Variants in SYCP2L observed in about 807,000 individuals in gnomAD.
SYCP2L encodes synaptonemal complex protein 2-like.
In SYCP2L, 98 loss-of-function variants were observed where a neutral mutation model predicts 125.8. That is an observed-to-expected ratio of 0.78 (90% CI 0.66 to 0.92). The LOEUF is 0.92. Ranked by LOEUF, SYCP2L falls within the 40% of genes least tolerant of loss-of-function variation. The pLI, the probability that SYCP2L is intolerant of heterozygous loss-of-function variation, is 0.00. For missense variants in SYCP2L, 842 were observed against 936.4 expected (o/e 0.90, Z 1.32); for synonymous variants, 317 against 325.4 (o/e 0.97, Z 0.28).
intron 1 of SYCP2L, among the ~76,000 whole-genome samples, chr6:10,889,291 T>G (rs1171191153): frequency 1.3e-5 from 2 of 152,236 alleles, no homozygotes; most frequent in African/African-American, 4.8e-5. Context: ...ATATATTAAT[T>G]GACACATAGT....
intron 24 of SYCP2L, 78 bp from the exon 25 acceptor site, chr6:10,956,058 C>G (rs778692478): frequency 3.6e-5 from 43 of 1,197,630 alleles, no homozygotes; most frequent in African/African-American, 6.1e-5. Context: ...AACTCATCCT[C>G]TGGGCAACTG....
chr6:10,942,047 C>A (rs1174524079), intron 21 of SYCP2L, among the ~76,000 whole-genome samples: 2 of 143,722 alleles, frequency 1.4e-5, no homozygotes, highest in Non-Finnish European at 3.0e-5. Flanking sequence ...AGCAAACTCG[C>A]AAGGATGAAA....
In SYCP2L at chr6:10,912,298, G is replaced by A. The variant is rs1352408664; in HGVS notation, c.919-375G>A. Reference sequence around the variant, plus strand: ...ATAGATGGCAAATCACTCATGTTTGGTTACAGTATCTCCTTCTCCAGAAGT... The same window carrying A: ...ATAGATGGCAAATCACTCATGTTTGATTACAGTATCTCCTTCTCCAGAAGT... On this transcript the variant is annotated intron_variant, in intron 12 of 29. Coordinates refer to ENST00000283141, the MANE Select transcript of SYCP2L (RefSeq NM_001040274.3). The surrounding 1 kb of genome is among the most constrained non-coding windows in gnomAD (Gnocchi z 4.1). Among the ~76,000 whole-genome samples, 1 of 152,108 alleles carries A rather than the reference G, an allele frequency of 6.6e-6. No homozygotes were observed. Among genetic ancestry groups the A allele is most frequent in the East Asian group, 1.9e-4 (1 of 5,194 alleles).
intron 17 of SYCP2L, 114 bp downstream of exon 17, chr6:10,927,481 A>G: frequency 2.6e-6 from 2 of 769,882 alleles, no homozygotes; most frequent in South Asian, 1.8e-5. Flanking sequence ...ACATGTCGGT[A>G]GGTTCCGTGA....
chr6:10,909,159 G>A (rs554529406), intron 10 of SYCP2L, among the ~76,000 whole-genome samples: 1 of 92,994 alleles, frequency 1.1e-5, no homozygotes, highest in African/African-American at 4.8e-5. Context: ...AGTTTCTTTC[G>A]GTCTTGTTGG....
In SYCP2L at chr6:10,954,560, T is replaced by G. The variant is rs1209166264; in HGVS notation, c.1955-556T>G. On this transcript the variant is annotated intron_variant, in intron 23 of 29. Transcript: ENST00000283141. The surrounding 1 kb of genome is among the most constrained non-coding windows in gnomAD (Gnocchi z 4.8). ...GGACCAGACATGTCTGGGATAAAAG[T>G]GAACATCAGAATAGAAAATATTTAG... is the stretch of plus-strand genomic sequence containing the variant. Among the ~76,000 whole-genome samples the G allele has an allele frequency of 6.6e-6, 1 of 152,138 alleles. No homozygotes were observed. The highest frequency in any genetic ancestry group is 1.5e-5 in the Non-Finnish European group (1 of 68,026).
intron 8 of SYCP2L, 109 bp downstream of exon 8, chr6:10,903,072 G>A (rs1780408845): frequency 3.4e-6 from 3 of 884,162 alleles, no homozygotes; most frequent in East Asian, 2.6e-5. Flanking sequence ...TTCTCTCTTG[G>A]GTAAATGCTT....
chr6:10,925,284 T>C (rs761269712), intron 15 of SYCP2L, among the ~76,000 whole-genome samples: 1 of 152,158 alleles, frequency 6.6e-6, no homozygotes. Flanking sequence ...TCCCATGACA[T>C]GTGGGAATTA....
At chr6:10,933,399 G>A (rs920939152) in intron 20 of SYCP2L, among the ~76,000 whole-genome samples, 4 of 152,176 alleles carry the variant, frequency 2.6e-5, no homozygotes, top group African/African-American at 9.7e-5. Flanking sequence ...GCCAACCCCT[G>A]ATACAGAGCA....
At chr6:10,934,075 C>T (rs924953591) in intron 20 of SYCP2L, among the ~76,000 whole-genome samples, 1 of 152,076 alleles carries the variant, frequency 6.6e-6, no homozygotes, top group Non-Finnish European at 1.5e-5. Context: ...TTGCTTTGAC[C>T]CTAGGACTTT....
intron 14 of SYCP2L, among the ~76,000 whole-genome samples, chr6:10,918,561 A>C (rs1240596376): frequency 6.6e-6 from 1 of 151,276 alleles, no homozygotes; most frequent in Non-Finnish European, 1.5e-5. Flanking sequence ...TTTTTGAGAC[A>C]GAGTCTCGCT....
At chr6:10,890,354 C>T (rs1228336331) in intron 1 of SYCP2L, among the ~76,000 whole-genome samples, 2 of 152,052 alleles carry the variant, frequency 1.3e-5, no homozygotes, top group Non-Finnish European at 2.9e-5. Context: ...ATATCCTTGC[C>T]AGCATTTGTT....
At chr6:10,898,408 G>A (rs1265457655) in intron 5 of SYCP2L, among the ~76,000 whole-genome samples, 1 of 152,136 alleles carries the variant, frequency 6.6e-6, no homozygotes, top group Non-Finnish European at 1.5e-5. Flanking sequence ...AGCTACTTGG[G>A]AGGCTGAGGC....
chr6:10,916,105 T>C (rs1052040784), intron 14 of SYCP2L, among the ~76,000 whole-genome samples: 1 of 152,198 alleles, frequency 6.6e-6, no homozygotes, highest in African/African-American at 2.4e-5. Context: ...AGTTTATGTG[T>C]GTAATGGTGT....
At chr6:10,956,884 C>T (rs750748074) in intron 25 of SYCP2L, among the ~76,000 whole-genome samples, 2 of 152,082 alleles carry the variant, frequency 1.3e-5, no homozygotes, top group African/African-American at 2.4e-5. Context: ...TGGAGTGCAG[C>T]AGTGAAATCA....
At chr6:10,905,097 C>T (rs1471361392) in intron 8 of SYCP2L, among the ~76,000 whole-genome samples, 9 of 126,916 alleles carry the variant, frequency 7.1e-5, no homozygotes, top group Non-Finnish European at 1.4e-4. Flanking sequence ...GAGTCGAGAT[C>T]GTGCCACTGC....
chr6:10,948,122 A>C (rs1263515389), intron 23 of SYCP2L, among the ~76,000 whole-genome samples: 1 of 152,108 alleles, frequency 6.6e-6, no homozygotes. Flanking sequence ...ACGCATATGC[A>C]TTGTGAAATG....
Position 10,898,866 on chromosome 6 carries a change from T to C in SYCP2L, c.466+18T>C, listed in dbSNP as rs370812415. ...TAGTGAAGGTAAGTATATTATTGGC[T>C]ACTAATTGGCTATTAATTTTTCATT... On this transcript the variant is annotated intron_variant, in intron 6 of 29. Transcript: ENST00000283141. 6 of 1,341,198 alleles carry C rather than the reference T, an allele frequency of 4.5e-6. No individual in the cohort carries two copies. Among genetic ancestry groups the C allele is most frequent in the Middle Eastern group, 1.8e-4 (1 of 5,462 alleles). 83.1% of individuals were successfully genotyped at this position (1,341,198 alleles called of 1,614,324 possible).
chr6:10,957,812 G>T (rs1032419512), intron 25 of SYCP2L, among the ~76,000 whole-genome samples: 2 of 152,108 alleles, frequency 1.3e-5, no homozygotes, highest in Non-Finnish European at 2.9e-5. Context: ...GCAAGACCAT[G>T]TCTCTATTTT....
Sources: gnomAD v4.1 joint callset for allele counts (sites outside exome capture counted in the v4.1 genomes callset) on GRCh38, gnomAD v4.1.1 for gene constraint, Gnocchi (gnomAD v3.1) non-coding constraint, MANE v1.5 for transcripts, NCBI Gene and HGNC (gene_info 2026-07-23, HGNC 2026-07-21) for gene names.